RARB: variants seen among roughly 807,000 people sequenced by gnomAD.
RARB encodes HBV-activated protein.
In RARB, 17 loss-of-function variants were observed where a neutral mutation model predicts 51.9. The ratio of observed to expected loss-of-function variants is 0.33; its 90% confidence interval spans 0.22 to 0.49. The LOEUF (loss-of-function observed/expected upper bound fraction) is 0.49. Among genes scored for constraint, RARB ranks in the 20% least tolerant of loss-of-function variants. The pLI, the probability that RARB is intolerant of heterozygous loss-of-function variation, is 0.99. For synonymous variants in RARB, 215 were observed against 195.4 expected (o/e 1.10, Z -0.84); for missense variants, 369 against 550.8 (o/e 0.67, Z 3.30).
chr3:25,057,418 A>T lies in RARB; in HGVS notation c.-379-2707A>T, dbSNP rs13086884. Among the ~76,000 whole-genome samples the T allele has an allele frequency of 4.1e-3, 621 of 152,158 alleles. 3 individuals are homozygous for T. The highest frequency in any genetic ancestry group is 6.8e-3 in the Middle Eastern group (2 of 294). Reference sequence around the variant, plus strand: ...TTCCACACTTAAAATTCAAAACAAAATACTTGTCCTTGAGGCTGAATTTTA... The same window carrying T: ...TTCCACACTTAAAATTCAAAACAAATTACTTGTCCTTGAGGCTGAATTTTA... On this transcript the variant is annotated intron_variant, in intron 2 of 11. Transcript: ENST00000383772.
chr3:25,190,736 T>C (rs766932033), intron 5 of RARB, among the ~76,000 whole-genome samples: 5 of 152,132 alleles, frequency 3.3e-5, no homozygotes, highest in Non-Finnish European at 2.9e-5. Flanking sequence ...CACTTCTAGA[T>C]TTTTTTCTTT....
At chr3:24,907,691 T>A (rs1430803027) in intron 2 of RARB, among the ~76,000 whole-genome samples, 2 of 152,034 alleles carry the variant, frequency 1.3e-5, no homozygotes, top group Non-Finnish European at 2.9e-5. Context: ...TTTGAACACT[T>A]TTACCCAAAG....
At chr3:25,060,680 A>G (rs1698531318) in intron 3 of RARB, among the ~76,000 whole-genome samples, 1 of 151,874 alleles carries the variant, frequency 6.6e-6, no homozygotes, top group African/African-American at 2.4e-5. Flanking sequence ...TTAGAAAACA[A>G]TGAAGCTGAA....
chr3:25,068,682 T>C (rs1698711548), intron 3 of RARB, among the ~76,000 whole-genome samples: 1 of 152,152 alleles, frequency 6.6e-6, no homozygotes, highest in African/African-American at 2.4e-5. Flanking sequence ...ATATGTCCTA[T>C]GGTGCAGTCC....
intron 5 of RARB, among the ~76,000 whole-genome samples, chr3:25,176,833 G>A (rs1467778827): frequency 6.6e-6 from 1 of 152,128 alleles, no homozygotes. Flanking sequence ...AGTACAAGAT[G>A]CCATTACTGT....
chr3:25,156,242 A>C (rs1360427057), intron 4 of RARB, among the ~76,000 whole-genome samples: 1 of 152,216 alleles, frequency 6.6e-6, no homozygotes, highest in Non-Finnish European at 1.5e-5. Flanking sequence ...GTTGATGGAC[A>C]CTGGGGACAA....
At chr3:25,298,443 C>G (rs1575293300) in intron 5 of RARB, among the ~76,000 whole-genome samples, 1 of 152,104 alleles carries the variant, frequency 6.6e-6, no homozygotes, top group Non-Finnish European at 1.5e-5. Context: ...GCCTCTAGTA[C>G]ATGCTTAAAA....
chr3:24,903,547 A>G (rs758655642), intron 2 of RARB, among the ~76,000 whole-genome samples: 1 of 152,160 alleles, frequency 6.6e-6, no homozygotes, highest in African/African-American at 2.4e-5. Context: ...AAATCTTCAG[A>G]TGTCAGCTTA....
chr3:24,855,018 C>A (rs1418197696), intron 1 of RARB, among the ~76,000 whole-genome samples: 1 of 152,124 alleles, frequency 6.6e-6, no homozygotes, highest in Non-Finnish European at 1.5e-5. Context: ...GGCAAGAAAC[C>A]TTTAGATGTG....
At chr3:25,369,688 C>T (rs1050581780) in intron 5 of RARB, among the ~76,000 whole-genome samples, 5 of 152,058 alleles carry the variant, frequency 3.3e-5, no homozygotes, top group Admixed American at 1.3e-4. Flanking sequence ...TTTGAGAGAC[C>T]GAGGCAGGCG....
chr3:25,574,975 T>A (rs1336948866), intron 4 of RARB, among the ~76,000 whole-genome samples: 1 of 152,108 alleles, frequency 6.6e-6, no homozygotes, highest in Non-Finnish European at 1.5e-5. Context: ...TTTGAGCCAG[T>A]TGTTAACTTA....
At chr3:25,300,721 G>A (rs1002584107) in intron 5 of RARB, among the ~76,000 whole-genome samples, 1 of 152,276 alleles carries the variant, frequency 6.6e-6, no homozygotes, top group East Asian at 1.9e-4. Flanking sequence ...CAGGAGTGGT[G>A]GCTCACACCT....
intron 5 of RARB, among the ~76,000 whole-genome samples, chr3:25,203,260 CTTTT>C (rs1471622620): frequency 6.6e-6 from 1 of 151,946 alleles, no homozygotes; most frequent in Non-Finnish European, 1.5e-5. Context: ...CAACCCCTGC[CTTTT>C]TTTGTTTTCC....
intron 2 of RARB, among the ~76,000 whole-genome samples, chr3:24,873,999 T>C (rs935192481): frequency 6.6e-6 from 1 of 152,078 alleles, no homozygotes; most frequent in African/African-American, 2.4e-5. Context: ...AAATATAGTA[T>C]AACAACTATT....
At chr3:25,478,037 C>T (rs1159267192) in intron 2 of RARB, among the ~76,000 whole-genome samples, 1 of 152,120 alleles carries the variant, frequency 6.6e-6, no homozygotes, top group Non-Finnish European at 1.5e-5. Flanking sequence ...GTGGCTTGGG[C>T]CTCCTTACAA....
intron 5 of RARB, among the ~76,000 whole-genome samples, chr3:25,219,996 C>A (rs1329677954): frequency 1.3e-5 from 2 of 152,088 alleles, no homozygotes; most frequent in Admixed American, 1.3e-4. Flanking sequence ...AGTTTAATTC[C>A]TTTTGTTCTA....
intron 5 of RARB, among the ~76,000 whole-genome samples, chr3:25,401,167 T>G (rs1707252658): frequency 6.6e-6 from 1 of 152,098 alleles, no homozygotes; most frequent in Non-Finnish European, 1.5e-5. Context: ...ACATTCAGGC[T>G]CCTCTTGGCA....
intron 5 of RARB, among the ~76,000 whole-genome samples, chr3:25,343,066 G>GTGTGTGTGTT (rs1468813557): frequency 2.7e-5 from 4 of 146,022 alleles, no homozygotes; most frequent in African/African-American, 7.5e-5. Context: ...GTGTGTGTGT[G>GTGTGTGTGTT]TGTGTGTAAT....
chr3:24,869,130 A>G (rs1702900556), intron 2 of RARB, among the ~76,000 whole-genome samples: 2 of 152,154 alleles, frequency 1.3e-5, no homozygotes, highest in Non-Finnish European at 2.9e-5. Context: ...TCAATAAGGT[A>G]TAGTCTCTTA....
Sources: gnomAD v4.1 joint callset for allele counts (sites outside exome capture counted in the v4.1 genomes callset) on GRCh38, gnomAD v4.1.1 for gene constraint, MANE v1.5 for transcripts, NCBI Gene and HGNC (gene_info 2026-07-23, HGNC 2026-07-21) for gene names.